SVOPL: variants seen among roughly 807,000 people sequenced by gnomAD.
SVOPL encodes putative transporter SVOPL.
A neutral mutation model predicts 61.0 loss-of-function variants in SVOPL; 60 were observed. That is an observed-to-expected ratio of 0.98 (90% CI 0.80 to 1.22). The LOEUF is 1.22. Among genes scored for constraint, SVOPL ranks in the 50% most tolerant of loss-of-function variants. SVOPL has a pLI of 0.00. For missense variants in SVOPL, 662 were observed against 643.9 expected (o/e 1.03, Z -0.30); for synonymous variants, 279 against 250.0 (o/e 1.12, Z -1.09).
chr7:138,684,181 A>G (rs1317009544), intron 1 of SVOPL, among the ~76,000 whole-genome samples: 2 of 151,794 alleles, frequency 1.3e-5, no homozygotes, highest in African/African-American at 4.8e-5. Context: ...CCTGGCCAAC[A>G]TGGTGAAACC....
rs1351456139 is a variant in SVOPL, at chr7:138,621,830, G to GTATCTATC, written c.1264-703_1264-696dup. Among the ~76,000 whole-genome samples the GTATCTATC allele has an allele frequency of 7.9e-3, 294 of 37,432 alleles. 31 individuals are homozygous for GTATCTATC. Among genetic ancestry groups the GTATCTATC allele is most frequent in the African/African-American group, 0.017 (207 of 12,030 alleles). The allele number at this position is 37,432 out of a possible 152,430, so 24.6% of individuals were successfully genotyped here. A position where few individuals can be genotyped will look rare whatever the true frequency, so the allele number is the denominator to read the frequency against. Reference sequence around the variant, plus strand: ...TCTATCTATGTATCTATGTATCTATGTATCTATCTATCTATGTATCTATCT... The same window carrying GTATCTATC: ...TCTATCTATGTATCTATGTATCTATGTATCTATCTATCTATCTATCTATGTATCTATCT... On this transcript the variant is annotated intron_variant, in intron 13 of 15. Coordinates refer to ENST00000674285, the MANE Select transcript of SVOPL (RefSeq NM_001139456.2).
chr7:138,618,253 C>G (rs1035397541), intron 14 of SVOPL, among the ~76,000 whole-genome samples: 5 of 152,128 alleles, frequency 3.3e-5, no homozygotes, highest in African/African-American at 1.2e-4. Flanking sequence ...CTCACATTTA[C>G]CGAGTGCTTA....
intron 14 of SVOPL, among the ~76,000 whole-genome samples, chr7:138,611,157 C>T (rs57751178): frequency 6.6e-6 from 1 of 152,190 alleles, no homozygotes; most frequent in Non-Finnish European, 1.5e-5. Context: ...GTGGACAGAT[C>T]ACTTGAGGTT....
chr7:138,651,527 G>C (rs1801431651), intron 7 of SVOPL, among the ~76,000 whole-genome samples: 1 of 152,110 alleles, frequency 6.6e-6, no homozygotes, highest in Non-Finnish European at 1.5e-5. Context: ...CCTGTCTTCA[G>C]CAAGTCTATT....
intron 4 of SVOPL, chr7:138,663,718 T>C (rs1305913061): frequency 3.2e-5 from 19 of 601,574 alleles, no homozygotes; most frequent in Non-Finnish European, 3.8e-5. Context: ...TATTATAACT[T>C]GGCCTGAGAC....
chr7:138,629,982 TTTAC>T, intron 10 of SVOPL, 63 bp downstream of exon 10: 1 of 1,332,384 alleles, frequency 7.5e-7, no homozygotes, highest in Admixed American at 1.7e-5. Flanking sequence ...CTCACATAGA[TTTAC>T]TTAAATAGGC....
chr7:138,662,189 C>T (rs1012002084), intron 5 of SVOPL: 42 of 985,360 alleles, frequency 4.3e-5, no homozygotes, highest in Non-Finnish European at 5.1e-5. Context: ...GCTTTCTCTG[C>T]CTCTGCCTCA....
intron 1 of SVOPL, among the ~76,000 whole-genome samples, chr7:138,694,276 G>A (rs376716762): frequency 7.3e-4 from 111 of 152,282 alleles, no homozygotes; most frequent in African/African-American, 2.5e-3. Flanking sequence ...ACGGAGTCTC[G>A]CTCTGTCGCC....
chr7:138,677,112 G>A (rs902939737), intron 3 of SVOPL, among the ~76,000 whole-genome samples: 1 of 151,988 alleles, frequency 6.6e-6, no homozygotes, highest in African/African-American at 2.4e-5. Context: ...CACCATGTTA[G>A]CCAGGATGGT....
At chr7:138,600,251 A>C (rs1342056910) in intron 14 of SVOPL, among the ~76,000 whole-genome samples, 2 of 152,360 alleles carry the variant, frequency 1.3e-5, no homozygotes, top group East Asian at 3.9e-4. Context: ...AACAAAGTGC[A>C]AATTAAGACA....
chr7:138,607,776 G>A (rs573761155), intron 14 of SVOPL, among the ~76,000 whole-genome samples: 1 of 152,136 alleles, frequency 6.6e-6, no homozygotes, highest in Non-Finnish European at 1.5e-5. Flanking sequence ...TGTGGAACCC[G>A]AAGCATATTA....
intron 1 of SVOPL, among the ~76,000 whole-genome samples, chr7:138,685,662 C>A (rs1359632981): frequency 1.3e-5 from 2 of 151,952 alleles, no homozygotes; most frequent in Admixed American, 1.3e-4. Context: ...GAATTTGAGA[C>A]CAGCCTGGCC....
intron 14 of SVOPL, among the ~76,000 whole-genome samples, chr7:138,599,714 C>T (rs537625584): frequency 2.6e-5 from 4 of 151,900 alleles, no homozygotes; most frequent in South Asian, 4.2e-4. Flanking sequence ...AAGGTGAAAC[C>T]CCGTCTCTAC....
rs1350103884 is a variant in SVOPL, at chr7:138,678,475, G to A, written c.133C>T (p.Arg45Cys). ...ATCAGAAAGAGGGCAATGTGGAAAC[G>A]CCCGAAGCCGATAGTCTCCACTGCA... ...EDAVETIGFG[R>C]FHIALFLIMG... Residue 45 changes from arginine (R) to cysteine (C), a missense_variant, in exon 3 of 16, where the codon CGT becomes TGT. By Grantham distance (180) the Arg-to-Cys change is radical. Transcript: ENST00000674285. 19 of 1,551,668 alleles carry A rather than the reference G, an allele frequency of 1.2e-5. No individual in the cohort carries two copies. Among genetic ancestry groups the A allele is most frequent in the Middle Eastern group, 3.3e-4 (2 of 6,012 alleles).
At chr7:138,595,986 G>A (rs527427491) in intron 15 of SVOPL, among the ~76,000 whole-genome samples, 3 of 152,084 alleles carry the variant, frequency 2.0e-5, no homozygotes, top group East Asian at 1.9e-4. Flanking sequence ...TCAGGAGTTC[G>A]AGACCAGCCT....
At chr7:138,660,473 CTG>C (rs1801955217) in intron 5 of SVOPL, 1 of 986,280 alleles carries the variant, frequency 1.0e-6, no homozygotes, top group Non-Finnish European at 1.2e-6. Context: ...ACTCTTAACA[CTG>C]TTTTATCTTC....
chr7:138,601,911 T>A (rs1437556613), intron 14 of SVOPL, among the ~76,000 whole-genome samples: 1 of 152,196 alleles, frequency 6.6e-6, no homozygotes, highest in Non-Finnish European at 1.5e-5. Flanking sequence ...ATAGCATTAA[T>A]CATTATCTGA....
intron 5 of SVOPL, chr7:138,661,723 C>T (rs1432391505): frequency 1.1e-5 from 9 of 854,198 alleles, no homozygotes; most frequent in Non-Finnish European, 8.4e-6. Flanking sequence ...TAGGAAGTGC[C>T]CCCAAATTCT....
intron 4 of SVOPL, among the ~76,000 whole-genome samples, chr7:138,671,379 C>T (rs1802412610): frequency 6.6e-6 from 1 of 152,154 alleles, no homozygotes; most frequent in Non-Finnish European, 1.5e-5. Context: ...TGGAGTTTCA[C>T]TCTTGTCACC....
Sources: allele counts gnomAD v4.1 joint callset (sites outside exome capture counted in the v4.1 genomes callset), GRCh38; gene constraint gnomAD v4.1.1; transcripts MANE v1.5; gene names NCBI Gene and HGNC (gene_info 2026-07-23, HGNC 2026-07-21).